ALPP: variants seen among roughly 807,000 people sequenced by gnomAD.
The protein encoded by ALPP is alkaline phosphatase, placental.
A neutral mutation model predicts 50.7 loss-of-function variants in ALPP; 39 were observed. The ratio of observed to expected loss-of-function variants is 0.77; its 90% CI spans 0.60 to 1.00. ALPP has a LOEUF of 1.00. Ranked by LOEUF, ALPP falls within the 50% of genes least tolerant of loss-of-function variation. The pLI, the probability that ALPP is intolerant of heterozygous loss-of-function variation, is 0.00. For synonymous variants in ALPP, 226 were observed against 320.3 expected (o/e 0.71, Z 3.14); for missense variants, 550 against 746.8 (o/e 0.74, Z 3.07).
chr2:232,380,088 C>T (rs1273101233), intron 5 of ALPP, 98 bp from the exon 6 acceptor site: 1 of 1,594,080 alleles, frequency 6.3e-7, no homozygotes, highest in African/African-American at 1.3e-5. Context: ...CTGGGCCATT[C>T]CCACAGCCTT....
rs758194209 is a variant in ALPP, at chr2:232,381,549, C to T, written c.1362C>T (p.His454=). ...CAGTGCCCCTGGACGAAGAGACCCACGCAGGCGAGGACGTGGCGGTGTTCG... is the reference window on the plus strand; with the variant it reads ...CAGTGCCCCTGGACGAAGAGACCCATGCAGGCGAGGACGTGGCGGTGTTCG... The part of the protein sequence containing the change: ...QSAVPLDEET[H]AGEDVAVFAR... The change falls in exon 11 of 11, where the codon CAC becomes CAT. Residue 454 remains histidine, a synonymous_variant. Transcript: ENST00000392027. The T allele has an allele frequency of 1.9e-6, 3 of 1,613,156 alleles. No homozygotes were observed. The highest frequency in any genetic ancestry group is 1.7e-4 in the Middle Eastern group (1 of 6,058).
In ALPP at chr2:232,380,456, C is replaced by A; in HGVS notation, c.829C>A (p.Gln277Lys). The change falls in exon 7 of 11, where the codon CAG (glutamine) becomes AAG (lysine). Residue 277 changes from glutamine to lysine, a missense_variant. Gln to Lys is a moderately conservative substitution (Grantham distance 53). This residue lies in a region of ALPP where 376 missense variants were observed against 388.5 expected (regional missense o/e 0.97). Transcript: ENST00000392027. ...RYVWNRTELM[Q>K]ASLDPSVTHL... is the part of the protein sequence containing the mutation. ...TGTGTGGAACCGCACTGAGCTCATG[C>A]AGGCTTCCCTGGACCCGTCTGTGAC... 9 of 1,613,992 alleles carry A rather than the reference C, an allele frequency of 5.6e-6. No individual in the cohort carries two copies. Among genetic ancestry groups the A allele is most frequent in the Non-Finnish European group, 7.6e-6 (9 of 1,179,990 alleles).
At chr2:232,378,909 A>G (rs1455254698) in intron 1 of ALPP, 31 bp downstream of exon 1, 1 of 1,611,416 alleles carries the variant, frequency 6.2e-7, no homozygotes, top group Non-Finnish European at 8.5e-7. Context: ...GCCCCTACAC[A>G]ACACACACAC....
intron 3 of ALPP, 44 bp downstream of exon 3, chr2:232,379,359 A>G (rs1209980567): frequency 6.2e-7 from 1 of 1,608,194 alleles, no homozygotes; most frequent in Non-Finnish European, 8.5e-7. Context: ...ACAGAAGGGG[A>G]ATCCTGGCTA....
chr2:232,381,977 C>T lies in ALPP; in HGVS notation c.*182C>T, dbSNP rs1365378910. Reference sequence around the variant, plus strand: ...CTGAGCCCATGACACCAAACCTGCCCCTTGGCTGCTCTCGGACTCCCTACC... The same window carrying T: ...CTGAGCCCATGACACCAAACCTGCCTCTTGGCTGCTCTCGGACTCCCTACC... On this transcript the variant is annotated 3_prime_UTR_variant, in exon 11 of 11. Coordinates refer to ENST00000392027, the MANE Select transcript of ALPP (RefSeq NM_001632.5). 6 of 1,030,390 alleles carry T rather than the reference C, an allele frequency of 5.8e-6. No homozygotes were observed. In the Admixed American group the frequency reaches 1.7e-4, roughly 30 times the overall value. 63.8% of individuals were successfully genotyped at this position (1,030,390 alleles called of 1,614,324 possible).
In ALPP at chr2:232,382,749, A is replaced by AC. The variant is rs1181265420; in HGVS notation, c.*957dup. On this transcript the variant is annotated 3_prime_UTR_variant, in exon 11 of 11. Transcript: ENST00000392027. The stretch of plus-strand genomic sequence containing the variant: ...AGGCTGAAGCAGGATAATCGCTTGA[A>AC]CCCGGGCGGCGGAGATTGCAGTGAG... The AC allele has an allele frequency of 6.6e-6, 1 of 151,972 alleles. No individual in the cohort carries two copies. The highest frequency in any genetic ancestry group is 1.5e-5 in the Non-Finnish European group (1 of 68,044). The allele number at this position is 151,972 out of a possible 1,614,324, so 9.4% of individuals were successfully genotyped here.
At position 232,381,583 on chromosome 2, in the gene ALPP, C is replaced by T. The variant is rs1696713805; in HGVS notation, c.1396C>T (p.Pro466Ser). 1 of 1,612,646 alleles carries T rather than the reference C, an allele frequency of 6.2e-7. No individual in the cohort carries two copies. Among genetic ancestry groups the T allele is most frequent in the Admixed American group, 1.7e-5 (1 of 59,930 alleles). Residue 466 changes from proline (P) to serine (S), a missense_variant, in exon 11 of 11, where the codon CCG becomes TCG. Pro to Ser is a moderately conservative substitution (Grantham distance 74). Transcript: ENST00000392027. ...GGACGTGGCGGTGTTCGCGCGCGGCCCGCAGGCGCACCTGGTTCACGGCGT... is the reference window on the plus strand; with the variant it reads ...GGACGTGGCGGTGTTCGCGCGCGGCTCGCAGGCGCACCTGGTTCACGGCGT... ...GEDVAVFARG[P>S]QAHLVHGVQE... is the part of the protein sequence containing the mutation.
intron 5 of ALPP, 48 bp from the exon 6 acceptor site, chr2:232,380,138 G>A (rs369220345): frequency 3.3e-4 from 540 of 1,613,206 alleles, no homozygotes; most frequent in African/African-American, 9.3e-5. Context: ...GAGGGGGCAC[G>A]GGGCCAGCCA....
Position 232,379,745 on chromosome 2 carries a change from T to G in ALPP, c.485-19T>G, listed in dbSNP as rs774267245. Reference sequence around the variant, plus strand: ...GGTCACAGACGTTGGTCACATATACTGACCTCTGACACCCTTAGGGAAGTC... The same window carrying G: ...GGTCACAGACGTTGGTCACATATACGGACCTCTGACACCCTTAGGGAAGTC... On this transcript the variant is annotated intron_variant, in intron 4 of 10. Coordinates refer to ENST00000392027, the MANE Select transcript of ALPP (RefSeq NM_001632.5). 6.2e-7 allele frequency: 1 copy of G among 1,613,898 alleles called. No individual in the cohort carries two copies. The highest frequency in any genetic ancestry group is 1.3e-5 in the African/African-American group (1 of 74,938).
At position 232,379,903 on chromosome 2, in the gene ALPP, C is replaced by T. The variant is rs559120855; in HGVS notation, c.624C>T (p.Ile208=). 9 of 1,612,236 alleles carry T rather than the reference C, an allele frequency of 5.6e-6. No individual in the cohort carries two copies. The highest frequency in any genetic ancestry group is 4.5e-5 in the East Asian group (2 of 44,874). Residue 208 remains isoleucine, a synonymous_variant, in exon 5 of 11, where the codon ATC becomes ATT. Transcript: ENST00000392027. ...CCCGCCAGGAGGGGTGCCAGGACAT[C>T]GCTACGCAGCTCATCTCCAACATGG... ...ASARQEGCQD[I]ATQLISNMDI...
intron 3 of ALPP, 58 bp downstream of exon 3, chr2:232,379,373 A>G: frequency 6.2e-7 from 1 of 1,602,404 alleles, no homozygotes; most frequent in Middle Eastern, 1.7e-4. Context: ...CTGGCTATGG[A>G]GTGTGGTAGG....
rs369478596 is a variant in ALPP at position 232,379,566 on chromosome 2, C to T, written c.363C>T (p.Tyr121=). ...ACAGTGGAGCCACAGCCACGGCCTA[C>T]CTGTGCGGGGTCAAGGGCAACTTCC... is the stretch of plus-strand genomic sequence containing the variant. ...VPDSGATATA[Y]LCGVKGNFQT... Residue 121 remains tyrosine, a synonymous_variant, in exon 4 of 11, where the codon TAC becomes TAT. Coordinates refer to ENST00000392027, the MANE Select transcript of ALPP (RefSeq NM_001632.5). 1.8e-4 allele frequency: 290 copies of T among 1,614,126 alleles called. 1 individual carries two copies. Among genetic ancestry groups the T allele is most frequent in the Non-Finnish European group, 2.3e-4 (267 of 1,180,036 alleles).
intron 9 of ALPP, 38 bp from the exon 10 acceptor site, chr2:232,381,213 T>G (rs370503520): frequency 3.1e-5 from 50 of 1,609,956 alleles, no homozygotes; most frequent in Non-Finnish European, 4.2e-5. Context: ...ACTCCACAGC[T>G]GTGTTCAGCT....
Position 232,379,044 on chromosome 2 carries a change from T to C in ALPP, c.150T>C (p.Pro50=). The C allele has an allele frequency of 6.2e-7, 1 of 1,614,106 alleles. No homozygotes were observed. Among genetic ancestry groups the C allele is most frequent in the South Asian group, 1.1e-5 (1 of 91,066 alleles). The change falls in exon 2 of 11, where the codon CCT becomes CCC. Residue 50 remains proline, a synonymous_variant. Transcript: ENST00000392027. Reference sequence around the variant, plus strand: ...TGGGTGCCGCCAAGAAGCTGCAGCCTGCACAGACAGCCGCCAAGAACCTCA... The same window carrying C: ...TGGGTGCCGCCAAGAAGCTGCAGCCCGCACAGACAGCCGCCAAGAACCTCA... ...EALGAAKKLQ[P]AQTAAKNLII... is the part of the protein sequence containing the mutation.
rs374179951 is a variant in ALPP at position 232,379,572 on chromosome 2, C to T, written c.369C>T (p.Cys123=). The change falls in exon 4 of 11, where the codon TGC becomes TGT. Residue 123 remains cysteine (C), a synonymous_variant. Transcript: ENST00000392027. ...DSGATATAYL[C]GVKGNFQTIG... ...GAGCCACAGCCACGGCCTACCTGTG[C>T]GGGGTCAAGGGCAACTTCCAGACCA... The T allele has an allele frequency of 1.6e-5, 26 of 1,614,094 alleles. No homozygotes were observed. Among genetic ancestry groups the T allele is most frequent in the Middle Eastern group, 1.6e-4 (1 of 6,062 alleles).
chr2:232,379,992 C>T (rs905385913), intron 5 of ALPP, 56 bp downstream of exon 5: 11 of 1,570,918 alleles, frequency 7.0e-6, no homozygotes, highest in African/African-American at 2.7e-5. Context: ...GGAGGGGGCA[C>T]TAGCTCAGAC....
In ALPP at chr2:232,381,381, G is replaced by A; in HGVS notation, c.1309+14G>A. 6.2e-7 allele frequency: 1 copy of A among 1,614,086 alleles called. No individual in the cohort carries two copies. Among genetic ancestry groups the A allele is most frequent in the Non-Finnish European group, 8.5e-7 (1 of 1,180,008 alleles). ...AGAGCGAGAGCGGTGAGTGCCGCGG[G>A]GTGGCCCCCTGAGGGGGACCAGGGT... On this transcript the variant is annotated intron_variant, in intron 10 of 10. Transcript: ENST00000392027.
chr2:232,379,880 C>T lies in ALPP; in HGVS notation c.601C>T (p.Arg201Cys), dbSNP rs778047262. 18 of 1,613,080 alleles carry T rather than the reference C, an allele frequency of 1.1e-5. No individual in the cohort carries two copies. The highest frequency in any genetic ancestry group is 1.0e-4 in the Admixed American group (6 of 59,966). The change falls in exon 5 of 11, where the codon CGC becomes TGC. Residue 201 changes from arginine to cysteine, a missense_variant. Arg to Cys is a radical substitution (Grantham distance 180). Around this residue, in one of 5 missense-constraint regions of ALPP, gnomAD observed 376 missense variants for 388.5 expected, o/e 0.97. Coordinates refer to ENST00000392027, the MANE Select transcript of ALPP (RefSeq NM_001632.5). ...GGACGCCGACGTGCCTGCCTCCGCC[C>T]GCCAGGAGGGGTGCCAGGACATCGC... Reference protein sequence around the residue: ...YSDADVPASARQEGCQDIATQ... With the variant: ...YSDADVPASACQEGCQDIATQ...
chr2:232,379,378 G>T (rs1298687559), intron 3 of ALPP, 63 bp downstream of exon 3: 2 of 1,599,094 alleles, frequency 1.3e-6, no homozygotes, highest in Non-Finnish European at 8.5e-7. Flanking sequence ...TATGGAGTGT[G>T]GTAGGAGGGA....
Sources: allele counts gnomAD v4.1 joint callset, GRCh38; gene constraint gnomAD v4.1.1; regional missense constraint gnomAD v4.1.1; transcripts MANE v1.5; gene names NCBI Gene and HGNC (gene_info 2026-07-23, HGNC 2026-07-21).